HIVEP3: variants seen among roughly 807,000 people sequenced by gnomAD.
The protein encoded by HIVEP3 is transcription factor HIVEP3.
Under a neutral mutation model 152.8 loss-of-function variants are expected in HIVEP3, and 49 were observed. The ratio of observed to expected loss-of-function variants is 0.32; its 90% CI spans 0.26 to 0.41. The LOEUF (loss-of-function observed/expected upper bound fraction) is 0.41. Among genes scored for constraint, HIVEP3 ranks in the 10% least tolerant of loss-of-function variants. HIVEP3 has a pLI of 1.00. For missense variants in HIVEP3, 2,790 were observed against 3,103.3 expected, an observed-to-expected ratio of 0.90 and a Z score of 2.40; for synonymous variants, 1,269 against 1,289.0, an observed-to-expected ratio of 0.98 and a Z score of 0.33.
chr1:41,797,352 A>C (rs533056660), intron 1 of HIVEP3, among the ~76,000 whole-genome samples: 1 of 152,320 alleles, frequency 6.6e-6, no homozygotes, highest in Non-Finnish European at 1.5e-5. Context: ...AGCAGAGCAC[A>C]GTATGTGAGC....
At chr1:42,014,642 A>T in intron 1 of HIVEP3, among the ~76,000 whole-genome samples, 1 of 152,122 alleles carries the variant, frequency 6.6e-6, no homozygotes, top group East Asian at 1.9e-4. Flanking sequence ...GTGTTGTGAC[A>T]TCTGCTCAGG....
In HIVEP3 at chr1:41,918,030, G is replaced by A. The variant is rs374257700; in HGVS notation, c.-801+383C>T. ...AGCCGAGGCTCCTATGGAGCCGGCC[G>A]CCAGTGCGCGGGTGCAGAGCCCAGC... On this transcript the variant is annotated intron_variant, in intron 1 of 8. Transcript: ENST00000372583. This position sits in a 1 kb window ranked among gnomAD's most constrained non-coding sequence, Gnocchi z 4.3. 3.2e-4 allele frequency among the ~76,000 whole-genome samples: 49 copies of A among 152,334 alleles called. No individual in the cohort carries two copies. In the South Asian group the frequency reaches 0.01, roughly 32 times the overall value.
chr1:41,882,101 C>A (rs148689820), intron 1 of HIVEP3, among the ~76,000 whole-genome samples: 6 of 152,302 alleles, frequency 3.9e-5, no homozygotes, highest in African/African-American at 1.4e-4. Flanking sequence ...GAAACCATAT[C>A]TCACTCCCAA....
intron 1 of HIVEP3, among the ~76,000 whole-genome samples, chr1:41,905,815 C>A (rs1255639687): frequency 6.6e-6 from 1 of 152,144 alleles, no homozygotes; most frequent in Admixed American, 6.5e-5. Flanking sequence ...ATCTGATGCT[C>A]ACTCATAGGA....
chr1:41,963,835 C>T lies in HIVEP3; in HGVS notation n.120-45311G>A, dbSNP rs113778239. On this transcript the variant is annotated intron_variant and non_coding_transcript_variant, in intron 1 of 3. Coordinates refer to the HIVEP3 transcript ENST00000489103. ...GCAGTGATCCAAACTTTTTTTCTGC[C>T]GAACAGATTCAAGTTCACAAACAGT... Among the ~76,000 whole-genome samples, 1,255 of 152,110 alleles carry T rather than the reference C, an allele frequency of 8.3e-3. 19 individuals carry two copies. The highest frequency in any genetic ancestry group is 0.029 in the African/African-American group (1,207 of 41,504).
chr1:41,843,590 A>G (rs1643351272), intron 1 of HIVEP3, among the ~76,000 whole-genome samples: 1 of 152,138 alleles, frequency 6.6e-6, no homozygotes, highest in African/African-American at 2.4e-5. Flanking sequence ...TTTAAGAAAA[A>G]AAAAAAACAG....
chr1:41,826,367 C>T (rs1424611630), intron 1 of HIVEP3, among the ~76,000 whole-genome samples: 1 of 152,158 alleles, frequency 6.6e-6, no homozygotes, highest in Non-Finnish European at 1.5e-5. Context: ...ACTCACTCAG[C>T]GCTTCAAGTG....
In HIVEP3 at chr1:41,863,245, TG is replaced by T. The variant is rs1170519244; in HGVS notation, c.-801+55167del. Among the ~76,000 whole-genome samples the T allele has an allele frequency of 3.3e-5, 5 of 152,110 alleles. No homozygotes were observed. The East Asian group carries it at 7.7e-4, about 24-fold the overall frequency. ...GGAGCTGAAAGTAAACTGCGTAAGG[TG>T]GGGGTGATCCCAGTAATGTGAGGGC... On this transcript the variant is annotated intron_variant, in intron 1 of 8. Transcript: ENST00000372583.
chr1:41,597,525 C>A (rs998146161), intron 3 of HIVEP3, among the ~76,000 whole-genome samples: 1 of 152,158 alleles, frequency 6.6e-6, no homozygotes. Flanking sequence ...ACCCTTCAGG[C>A]GGGTACTATT....
At chr1:41,895,003 C>T (rs1167389987) in intron 1 of HIVEP3, among the ~76,000 whole-genome samples, 23 of 152,032 alleles carry the variant, frequency 1.5e-4, no homozygotes, top group Admixed American at 4.6e-4. Context: ...AACCACCCCC[C>T]AGAAAACACA....
intron 2 of HIVEP3, among the ~76,000 whole-genome samples, chr1:41,642,721 C>A (rs1044470584): frequency 2.6e-5 from 4 of 152,184 alleles, no homozygotes; most frequent in African/African-American, 9.7e-5. Context: ...ATACTGAATT[C>A]TCTCAATTTA....
chr1:41,937,085 T>C (rs528272976), intron 1 of HIVEP3, among the ~76,000 whole-genome samples: 18 of 152,318 alleles, frequency 1.2e-4, no homozygotes, highest in African/African-American at 4.3e-4. Flanking sequence ...CCATTTATAA[T>C]ACCTGGAATC....
At chr1:41,653,807 C>T (rs1645588111) in intron 2 of HIVEP3, among the ~76,000 whole-genome samples, 1 of 152,108 alleles carries the variant, frequency 6.6e-6, no homozygotes, top group South Asian at 2.1e-4. Context: ...TGGCTTTCAG[C>T]CCAAGGGTCC....
chr1:41,949,760 C>G (rs1645095608), intron 1 of HIVEP3, among the ~76,000 whole-genome samples: 1 of 152,192 alleles, frequency 6.6e-6, no homozygotes, highest in Non-Finnish European at 1.5e-5. Flanking sequence ...AGCTGTGAAG[C>G]TACAAATCAT....
intron 1 of HIVEP3, among the ~76,000 whole-genome samples, chr1:41,961,088 C>T (rs1645166907): frequency 1.3e-5 from 2 of 152,170 alleles, no homozygotes; most frequent in Admixed American, 1.3e-4. Context: ...TCCACTTGGT[C>T]CTCTGCAACA....
intron 1 of HIVEP3, among the ~76,000 whole-genome samples, chr1:41,793,746 G>A (rs1424515491): frequency 6.6e-6 from 1 of 152,218 alleles, no homozygotes; most frequent in Non-Finnish European, 1.5e-5. Context: ...CAGGTACTGT[G>A]ACTTGCCCAG....
chr1:42,015,473 G>A (rs529675806), intron 1 of HIVEP3, among the ~76,000 whole-genome samples: 8 of 152,278 alleles, frequency 5.3e-5, no homozygotes, highest in Non-Finnish European at 7.4e-5. Context: ...AGAATTCAGC[G>A]TAGACACAGA....
chr1:41,843,000 G>A (rs919432605), intron 1 of HIVEP3, among the ~76,000 whole-genome samples: 1 of 152,156 alleles, frequency 6.6e-6, no homozygotes, highest in Non-Finnish European at 1.5e-5. Context: ...ACGCTCAAAA[G>A]CAATGTACCC....
Position 41,937,543 on chromosome 1 carries a change from A to T in HIVEP3, n.120-19019T>A, listed in dbSNP as rs76892441. Reference sequence around the variant, plus strand: ...TGTGACCAGTACAGAAATGTGATGTAAGTACAAAAGGCACACTGCATCTCA... The same window carrying T: ...TGTGACCAGTACAGAAATGTGATGTTAGTACAAAAGGCACACTGCATCTCA... On this transcript the variant is annotated intron_variant and non_coding_transcript_variant, in intron 1 of 3. Coordinates refer to the HIVEP3 transcript ENST00000489103. 9.9e-3 allele frequency among the ~76,000 whole-genome samples: 1,512 copies of T among 152,364 alleles called. 16 individuals carry two copies. The highest frequency in any genetic ancestry group is 0.017 in the Non-Finnish European group (1,132 of 68,034).
Sources: allele counts gnomAD v4.1 joint callset (sites outside exome capture counted in the v4.1 genomes callset), GRCh38; gene constraint gnomAD v4.1.1; non-coding constraint Gnocchi (gnomAD v3.1); transcripts MANE v1.5; gene names NCBI Gene and HGNC (gene_info 2026-07-23, HGNC 2026-07-21).